The following RFX2 variants were observed in gnomAD, a reference collection of about 807,000 sequenced individuals.
RFX2 encodes DNA-binding protein RFX2.
RFX2 carries 20 observed loss-of-function variants against 87.8 expected under a neutral mutation model. That is an observed-to-expected ratio of 0.23 (90% CI 0.16 to 0.33). The LOEUF (loss-of-function observed/expected upper bound fraction) is 0.33. Ranked by LOEUF, RFX2 falls within the 10% of genes least tolerant of loss-of-function variation. The pLI is 1.00. For missense variants in RFX2, 767 were observed against 1,012.3 expected (o/e 0.76, Z 3.29); for synonymous variants, 397 against 431.3 (o/e 0.92, Z 0.98).
Position 6,004,664 on chromosome 19 carries a change from C to T in RFX2, c.1403-366G>A, listed in dbSNP as rs989720457. ...CCCAGGAGGGCCCCACCCCAGACAA[C>T]GATCCAGCCCCAGATATCAACAGTG... is the stretch of plus-strand genomic sequence containing the variant. On this transcript the variant is annotated intron_variant, in intron 12 of 17. Coordinates refer to ENST00000303657, the MANE Select transcript of RFX2 (RefSeq NM_000635.4). The surrounding 1 kb of genome is among the most constrained non-coding windows in gnomAD (Gnocchi z 4.8). Among the ~76,000 whole-genome samples the T allele has an allele frequency of 2.6e-5, 4 of 152,162 alleles. No homozygotes were observed. Among genetic ancestry groups the T allele is most frequent in the African/African-American group, 9.7e-5 (4 of 41,434 alleles).
chr19:6,036,372 C>T (rs1029035857), intron 5 of RFX2, among the ~76,000 whole-genome samples: 2 of 152,092 alleles, frequency 1.3e-5, no homozygotes, highest in African/African-American at 4.8e-5. Flanking sequence ...AGGCATGGGG[C>T]ACTACGCCTG....
chr19:6,062,470 C>T (rs550202882), intron 1 of RFX2, among the ~76,000 whole-genome samples: 1 of 152,294 alleles, frequency 6.6e-6, no homozygotes, highest in Non-Finnish European at 1.5e-5. Flanking sequence ...TTGGGTTTGG[C>T]TAAGTCACTC....
In RFX2 at chr19:6,001,138, G is replaced by T. The variant is rs950320447; in HGVS notation, c.1859+677C>A. On this transcript the variant is annotated intron_variant, in intron 15 of 17. Transcript: ENST00000303657. This position sits in a 1 kb window ranked among gnomAD's most constrained non-coding sequence, Gnocchi z 5.6. ...CCTTCTGGGTTTCTGCACATTGTTC[G>T]GAAGTCTAATGCTGCTCCCATCCCC... Among the ~76,000 whole-genome samples the T allele has an allele frequency of 3.3e-5, 5 of 152,164 alleles. No homozygotes were observed. The highest frequency in any genetic ancestry group is 3.3e-4 in the Admixed American group (5 of 15,280).
intron 1 of RFX2, among the ~76,000 whole-genome samples, chr19:6,089,330 G>A (rs921368640): frequency 6.6e-6 from 1 of 152,314 alleles, no homozygotes; most frequent in Admixed American, 6.5e-5. Context: ...CGGAGGATGT[G>A]GGGTTTTGGG....
chr19:6,027,515 G>A lies in RFX2; in HGVS notation c.523-1278C>T, dbSNP rs75415455. Among the ~76,000 whole-genome samples the A allele has an allele frequency of 6.6e-6, 1 of 152,294 alleles. No homozygotes were observed. The highest frequency in any genetic ancestry group is 2.4e-5 in the African/African-American group (1 of 41,556). On this transcript the variant is annotated intron_variant, in intron 5 of 17. Coordinates refer to ENST00000303657, the MANE Select transcript of RFX2 (RefSeq NM_000635.4). This position sits in a 1 kb window ranked among gnomAD's most constrained non-coding sequence, Gnocchi z 5.0. ...TCTGATCTGCAGCTTGGGCAGCCAC[G>A]TGAGTACTGCCCTGTGGCACCTTCC...
rs2086652064 is a variant in RFX2 at position 6,010,940 on chromosome 19, A to G, written c.900-689T>C. ...GAGACCAGCCTGACCAACATGGAGT[A>G]ACCCCGTCTCTACTAAAAATACAAA... On this transcript the variant is annotated intron_variant, in intron 8 of 17. Coordinates refer to ENST00000303657, the MANE Select transcript of RFX2 (RefSeq NM_000635.4). The surrounding 1 kb of genome is among the most constrained non-coding windows in gnomAD (Gnocchi z 5.0). Among the ~76,000 whole-genome samples the G allele has an allele frequency of 6.6e-6, 1 of 152,072 alleles. No individual in the cohort carries two copies. The highest frequency in any genetic ancestry group is 1.5e-5 in the Non-Finnish European group (1 of 68,016).
Position 6,042,040 on chromosome 19 carries a change from G to A in RFX2, c.260+4C>T, listed in dbSNP as rs201078488. 9.3e-6 allele frequency: 15 copies of A among 1,613,078 alleles called. No homozygotes were observed. Among genetic ancestry groups the A allele is most frequent in the East Asian group, 4.5e-5 (2 of 44,878 alleles). ...CGGGTGTGGCCCGCGGGAGAAGCAC[G>A]CACATGGCTCCATTGGTGTAGACGG... On this transcript the variant is annotated splice_donor_region_variant and intron_variant, in intron 4 of 17. Coordinates refer to ENST00000303657, the MANE Select transcript of RFX2 (RefSeq NM_000635.4).
chr19:6,067,415 C>A (rs954343543), intron 1 of RFX2, among the ~76,000 whole-genome samples: 1 of 152,138 alleles, frequency 6.6e-6, no homozygotes, highest in Non-Finnish European at 1.5e-5. Flanking sequence ...GACATCACTG[C>A]GCCGGCTCTT....
At chr19:6,033,615 CAAAAAA>C (rs34581899) in intron 5 of RFX2, among the ~76,000 whole-genome samples, 15 of 60,424 alleles carry the variant, frequency 2.5e-4, no homozygotes, top group South Asian at 2.2e-3. Flanking sequence ...CCCACCTTTG[CAAAAAA>C]AAAAAAAAAA....
chr19:6,026,358 T>G lies in RFX2; in HGVS notation c.523-121A>C. ...ATATCCAAATAATGATTCGAGCTCC[T>G]ACAAAATAAAAATGAGGCTCCACGC... On this transcript the variant is annotated intron_variant, in intron 5 of 17. Coordinates refer to ENST00000303657, the MANE Select transcript of RFX2 (RefSeq NM_000635.4). This position sits in a 1 kb window ranked among gnomAD's most constrained non-coding sequence, Gnocchi z 4.5. 34 of 795,598 alleles carry G rather than the reference T, an allele frequency of 4.3e-5. No homozygotes were observed. The highest frequency in any genetic ancestry group is 6.5e-5 in the Non-Finnish European group (32 of 491,632). The allele number at this position is 795,598 out of a possible 1,614,324, so 49.3% of individuals were successfully genotyped here.
chr19:6,007,896 G>C lies in RFX2; in HGVS notation c.1135-94C>G, dbSNP rs1333182932. ...GTGAGCAGCCGTGATCCGGGCTACA[G>C]CGGGGTGCCCTGGAATCCCAAGGGA... On this transcript the variant is annotated intron_variant, in intron 10 of 17. Coordinates refer to ENST00000303657, the MANE Select transcript of RFX2 (RefSeq NM_000635.4). The surrounding 1 kb of genome is among the most constrained non-coding windows in gnomAD (Gnocchi z 8.2). 2.2e-5 allele frequency: 21 copies of C among 976,498 alleles called. No individual in the cohort carries two copies. 60.5% of individuals were successfully genotyped at this position (976,498 alleles called of 1,614,324 possible). A position where few individuals can be genotyped will look rare whatever the true frequency, so the allele number is the denominator to read the frequency against.
At position 6,047,193 on chromosome 19, in the gene RFX2, C is replaced by G. The variant is rs932623255; in HGVS notation, c.90+214G>C. 2.0e-5 allele frequency among the ~76,000 whole-genome samples: 3 copies of G among 152,180 alleles called. No individual in the cohort carries two copies. The highest frequency in any genetic ancestry group is 7.2e-5 in the African/African-American group (3 of 41,444). On this transcript the variant is annotated intron_variant, in intron 2 of 17. Coordinates refer to ENST00000303657, the MANE Select transcript of RFX2 (RefSeq NM_000635.4). The surrounding 1 kb of genome is among the most constrained non-coding windows in gnomAD (Gnocchi z 4.2). ...AGAGTGGTTTCTTTTCCATTCATGT[C>G]ATTGTTTCCTTGATGGGATCTTTTT... is the stretch of plus-strand genomic sequence containing the variant.
rs1250643681 is a variant in RFX2 at position 6,047,497 on chromosome 19, G to A, written c.-1C>T. On this transcript the variant is annotated 5_prime_UTR_variant, in exon 2 of 18. Coordinates refer to ENST00000303657, the MANE Select transcript of RFX2 (RefSeq NM_000635.4). The surrounding 1 kb of genome is among the most constrained non-coding windows in gnomAD (Gnocchi z 4.2). The stretch of plus-strand genomic sequence containing the variant: ...CCGCTCCACCCTCGGAATTCTGCAT[G>A]CTCAGGTCTAAAGAAAGGCGGAGAG... 3 of 1,607,234 alleles carry A rather than the reference G, an allele frequency of 1.9e-6. No homozygotes were observed. Among genetic ancestry groups the A allele is most frequent in the Non-Finnish European group, 2.5e-6 (3 of 1,176,876 alleles).
At position 6,020,191 on chromosome 19, in the gene RFX2, A is replaced by G. The variant is rs1181232705; in HGVS notation, c.598-3920T>C. The G allele has an allele frequency of 3.3e-5, 5 of 152,224 alleles. No individual in the cohort carries two copies. The highest frequency in any genetic ancestry group is 1.2e-4 in the African/African-American group (5 of 41,448). The allele number at this position is 152,224 out of a possible 1,614,324, so 9.4% of individuals were successfully genotyped here. On this transcript the variant is annotated intron_variant, in intron 6 of 17. Transcript: ENST00000303657. This position sits in a 1 kb window ranked among gnomAD's most constrained non-coding sequence, Gnocchi z 5.3. The stretch of plus-strand genomic sequence containing the variant: ...ACTAGGAGTCCTGAGAGGTTAGAGT[A>G]TAAGACTCCATCCACCAGGAGGACA...
intron 1 of RFX2, among the ~76,000 whole-genome samples, chr19:6,093,387 T>C (rs2087972258): frequency 6.6e-6 from 1 of 151,828 alleles, no homozygotes. Flanking sequence ...TACAAAAAAT[T>C]TGCCGGGCGT....
At chr19:6,077,776 G>C (rs1397608224) in intron 1 of RFX2, among the ~76,000 whole-genome samples, 5 of 152,122 alleles carry the variant, frequency 3.3e-5, no homozygotes, top group South Asian at 2.1e-4. Flanking sequence ...GAGGTCAGGA[G>C]TTTGAGACCA....
At position 5,997,573 on chromosome 19, in the gene RFX2, T is replaced by TC. The variant is rs1357822373; in HGVS notation, c.1860-361dup. Among the ~76,000 whole-genome samples, 4 of 152,122 alleles carry TC rather than the reference T, an allele frequency of 2.6e-5. No homozygotes were observed. The highest frequency in any genetic ancestry group is 5.9e-5 in the Non-Finnish European group (4 of 68,024). The stretch of plus-strand genomic sequence containing the variant: ...GAGTCTTTCTAGTGACATTTCGGAC[T>TC]CCGAATCAGAGCACAGGCTGGCAGC... On this transcript the variant is annotated intron_variant, in intron 15 of 17. Transcript: ENST00000303657. The surrounding 1 kb of genome is among the most constrained non-coding windows in gnomAD (Gnocchi z 4.2).
intron 1 of RFX2, among the ~76,000 whole-genome samples, chr19:6,099,851 A>C (rs2088091220): frequency 6.6e-6 from 1 of 151,674 alleles, no homozygotes; most frequent in Non-Finnish European, 1.5e-5. Context: ...GTTCACCCTC[A>C]CTCCCACCTC....
At position 6,008,089 on chromosome 19, in the gene RFX2, T is replaced by G. The variant is rs1319973578; in HGVS notation, c.1134+17A>C. 15 of 1,535,476 alleles carry G rather than the reference T, an allele frequency of 9.8e-6. No homozygotes were observed. Among genetic ancestry groups the G allele is most frequent in the Non-Finnish European group, 1.1e-5 (12 of 1,133,218 alleles). On this transcript the variant is annotated intron_variant, in intron 10 of 17. Coordinates refer to ENST00000303657, the MANE Select transcript of RFX2 (RefSeq NM_000635.4). ...GAGGGACACGCAGGAGCTGCCTGCC[T>G]GGGCTGGGGCGGTCACCTCGCAGTG...
Sources: gnomAD v4.1 joint callset for allele counts (sites outside exome capture counted in the v4.1 genomes callset) on GRCh38, gnomAD v4.1.1 for gene constraint, Gnocchi (gnomAD v3.1) non-coding constraint, MANE v1.5 for transcripts, NCBI Gene and HGNC (gene_info 2026-07-23, HGNC 2026-07-21) for gene names.